Variants in SDK1 observed in about 807,000 individuals in gnomAD.
SDK1 encodes the protein protein sidekick-1.
A neutral mutation model predicts 245.5 loss-of-function variants in SDK1; 157 were observed. The observed-to-expected ratio is 0.64, with a 90% confidence interval of 0.56 to 0.73. The LOEUF (loss-of-function observed/expected upper bound fraction) is 0.73. Ranked by LOEUF, SDK1 falls within the 30% of genes least tolerant of loss-of-function variation. SDK1 has a pLI of 0.00. For missense variants in SDK1, 3,583 were observed against 3,002.3 expected (o/e 1.19, Z -4.52); for synonymous variants, 1,647 against 1,278.5 (o/e 1.29, Z -6.15).
intron 14 of SDK1, among the ~76,000 whole-genome samples, chr7:4,001,185 G>A (rs1785049249): frequency 6.6e-6 from 1 of 152,202 alleles, no homozygotes; most frequent in South Asian, 2.1e-4. Flanking sequence ...CAGGAGGTCA[G>A]GCCAGCTTCC....
intron 40 of SDK1, among the ~76,000 whole-genome samples, chr7:4,223,838 T>C (rs1252471878): frequency 6.6e-6 from 1 of 152,042 alleles, no homozygotes; most frequent in Non-Finnish European, 1.5e-5. Flanking sequence ...CTTCCAGGAG[T>C]ACTTTCGTAT....
chr7:3,588,717 G>A (rs1365699166), intron 1 of SDK1, among the ~76,000 whole-genome samples: 3 of 152,138 alleles, frequency 2.0e-5, no homozygotes, highest in African/African-American at 7.2e-5. Context: ...TCTGTATTGG[G>A]TTGATTTAGT....
At chr7:4,213,430 C>G (rs1042755146) in intron 38 of SDK1, among the ~76,000 whole-genome samples, 27 of 149,542 alleles carry the variant, frequency 1.8e-4, no homozygotes, top group African/African-American at 6.6e-4. Flanking sequence ...AAAAAGAAAA[C>G]AAAAATTAGC....
intron 5 of SDK1, 23 bp from the exon 6 acceptor site, chr7:3,950,900 C>T (rs1310830046): frequency 1.3e-6 from 2 of 1,587,708 alleles, no homozygotes; most frequent in Admixed American, 1.7e-5. Context: ...GTTTCATGGA[C>T]ATTTCTCTTT....
intron 22 of SDK1, among the ~76,000 whole-genome samples, chr7:4,101,618 C>T (rs7793159): frequency 0.38 from 57,751 of 152,052 alleles, 11,946 homozygotes; most frequent in South Asian, 0.58. Flanking sequence ...CACTGACCCT[C>T]GATGACAGAG....
At chr7:3,506,408 T>C (rs1782394076) in intron 1 of SDK1, among the ~76,000 whole-genome samples, 1 of 152,192 alleles carries the variant, frequency 6.6e-6, no homozygotes, top group Non-Finnish European at 1.5e-5. Context: ...TATTTATCAC[T>C]AGTTATCAGG....
chr7:3,391,658 A>G (rs1027666535), intron 1 of SDK1, among the ~76,000 whole-genome samples: 6 of 137,328 alleles, frequency 4.4e-5, no homozygotes, highest in African/African-American at 1.1e-4. Flanking sequence ...TTTTTTTGAG[A>G]CAGGGTCTTG....
At chr7:3,519,395 TATGA>T (rs1181214615) in intron 1 of SDK1, among the ~76,000 whole-genome samples, 2 of 152,164 alleles carry the variant, frequency 1.3e-5, no homozygotes, top group African/African-American at 4.8e-5. Context: ...CATACATATA[TATGA>T]TTATTATGTG....
intron 4 of SDK1, among the ~76,000 whole-genome samples, chr7:3,733,335 G>T (rs1779231772): frequency 6.6e-6 from 1 of 152,196 alleles, no homozygotes; most frequent in South Asian, 2.1e-4. Flanking sequence ...TGTGCAGGTA[G>T]GTAGTGGTTA....
At chr7:3,953,246 G>C (rs1197160004) in intron 7 of SDK1, among the ~76,000 whole-genome samples, 2 of 151,544 alleles carry the variant, frequency 1.3e-5, no homozygotes, top group Non-Finnish European at 2.9e-5. Context: ...GGTTTACCTT[G>C]ATCACGTCCC....
intron 1 of SDK1, among the ~76,000 whole-genome samples, chr7:3,400,566 T>C (rs1341388928): frequency 6.6e-6 from 1 of 152,164 alleles, no homozygotes; most frequent in Non-Finnish European, 1.5e-5. Context: ...GTATTTGTAT[T>C]ACACAAAAAT....
At chr7:3,618,501 G>T (rs1035291862) in intron 1 of SDK1, among the ~76,000 whole-genome samples, 1 of 152,180 alleles carries the variant, frequency 6.6e-6, no homozygotes, top group Non-Finnish European at 1.5e-5. Flanking sequence ...AATTGTTGCT[G>T]CATTCTCGCT....
At chr7:3,939,186 T>A (rs897014173) in intron 5 of SDK1, among the ~76,000 whole-genome samples, 9 of 152,166 alleles carry the variant, frequency 5.9e-5, no homozygotes, top group Non-Finnish European at 1.2e-4. Context: ...TGGGATTAGA[T>A]CTTTTGGGGT....
At chr7:3,519,352 T>C (rs9639598) in intron 1 of SDK1, among the ~76,000 whole-genome samples, 39,652 of 152,024 alleles carry the variant, frequency 0.26, 5,380 homozygotes, top group East Asian at 0.33. Flanking sequence ...CATTACTATA[T>C]ATTGTAATGT....
intron 2 of SDK1, among the ~76,000 whole-genome samples, chr7:3,629,371 G>C (rs1016544454): frequency 4.6e-5 from 7 of 151,964 alleles, no homozygotes; most frequent in African/African-American, 1.7e-4. Flanking sequence ...GAATCCTCCA[G>C]AGGGTCCCCC....
chr7:3,920,443 G>A (rs912901733), intron 5 of SDK1, among the ~76,000 whole-genome samples: 5 of 152,076 alleles, frequency 3.3e-5, no homozygotes, highest in East Asian at 1.9e-4. Context: ...GGTCATCTAC[G>A]GGGAGAAAGA....
chr7:3,434,514 A>G (rs895179423), intron 1 of SDK1, among the ~76,000 whole-genome samples: 4 of 152,170 alleles, frequency 2.6e-5, no homozygotes, highest in African/African-American at 9.7e-5. Context: ...AGGATCTTGC[A>G]TGTTTTTCAT....
At chr7:4,099,521 G>C (rs1301856268) in intron 22 of SDK1, among the ~76,000 whole-genome samples, 1 of 100,364 alleles carries the variant, frequency 1.0e-5, no homozygotes, top group African/African-American at 3.7e-5. Context: ...CCCAGCCCCA[G>C]TGACAGGACA....
At chr7:4,252,061 C>G (rs1787335578) in intron 44 of SDK1, among the ~76,000 whole-genome samples, 1 of 152,006 alleles carries the variant, frequency 6.6e-6, no homozygotes. Context: ...AATCCTTTCT[C>G]TTTTTTTTAT....
Sources: gnomAD v4.1 joint callset for allele counts (sites outside exome capture counted in the v4.1 genomes callset) on GRCh38, gnomAD v4.1.1 for gene constraint, MANE v1.5 for transcripts, NCBI Gene and HGNC (gene_info 2026-07-23, HGNC 2026-07-21) for gene names.